GTF2F2: variants seen among roughly 807,000 people sequenced by gnomAD.
GTF2F2 encodes the protein ATP-dependent helicase GTF2F2.
In GTF2F2, 23 loss-of-function variants were observed where a neutral mutation model predicts 42.2. That is an observed-to-expected ratio of 0.55 (90% CI 0.39 to 0.77). The LOEUF (loss-of-function observed/expected upper bound fraction) is 0.77, where lower values mean the gene tolerates loss of function less well. GTF2F2 is among the 30% of genes least tolerant of loss of function. The probability of loss-of-function intolerance (pLI) is 0.00; values close to 1 mark genes in which losing one functional copy is unlikely to be tolerated. For synonymous variants in GTF2F2, 105 were observed against 100.8 expected, an observed-to-expected ratio of 1.04 and a Z score of -0.25; for missense variants, 261 against 287.2, an observed-to-expected ratio of 0.91 and a Z score of 0.66.
At chr13:45,184,386 T>C (rs772398223) in intron 4 of GTF2F2, among the ~76,000 whole-genome samples, 33 of 147,794 alleles carry the variant, frequency 2.2e-4, no homozygotes, top group Admixed American at 5.3e-4. Context: ...TTAACTTTAT[T>C]CCCCCCCGCC....
chr13:45,138,537 T>C (rs7995330), intron 2 of GTF2F2, among the ~76,000 whole-genome samples: 53,017 of 152,116 alleles, frequency 0.35, 12,542 homozygotes, highest in African/African-American at 0.67. Context: ...TCTTTACTGA[T>C]GTGGAGTCAG....
At chr13:45,126,758 A>G (rs771883557) in intron 1 of GTF2F2, among the ~76,000 whole-genome samples, 1 of 152,260 alleles carries the variant, frequency 6.6e-6, no homozygotes, top group African/African-American at 2.4e-5. Flanking sequence ...AATTATTTTC[A>G]GAGAAGGACA....
intron 5 of GTF2F2, among the ~76,000 whole-genome samples, chr13:45,235,378 T>G (rs1285026289): frequency 1.3e-5 from 2 of 152,166 alleles, no homozygotes; most frequent in Non-Finnish European, 2.9e-5. Flanking sequence ...GTTAACGTTT[T>G]CTGACAAGTA....
intron 7 of GTF2F2, among the ~76,000 whole-genome samples, chr13:45,274,141 A>G (rs1031138983): frequency 3.9e-5 from 6 of 151,934 alleles, no homozygotes; most frequent in African/African-American, 1.5e-4. Flanking sequence ...TCTTTTTCAA[A>G]TGTCCCAAGA....
intron 1 of GTF2F2, among the ~76,000 whole-genome samples, chr13:45,135,767 A>G (rs763511885): frequency 2.6e-5 from 4 of 152,148 alleles, no homozygotes; most frequent in Non-Finnish European, 5.9e-5. Flanking sequence ...TGTCACTCCA[A>G]ATTTGTCATG....
chr13:45,120,646 C>T lies in GTF2F2; in HGVS notation c.-10C>T, dbSNP rs371749616. 1.9e-6 allele frequency: 3 copies of T among 1,554,822 alleles called. No homozygotes were observed. The highest frequency in any genetic ancestry group is 2.4e-5 in the East Asian group (1 of 41,584). ...GCTGCATCCCGCACGCCTCCACCGG[C>T]TGCAGACCCATGGCCGAGCGCGGGG... On this transcript the variant is annotated 5_prime_UTR_variant, in exon 1 of 8. Transcript: ENST00000340473.
At chr13:45,176,982 GT>G (rs1871911464) in intron 4 of GTF2F2, among the ~76,000 whole-genome samples, 1 of 151,888 alleles carries the variant, frequency 6.6e-6, no homozygotes, top group African/African-American at 2.4e-5. Flanking sequence ...TAGAGATGGG[GT>G]TTCACCATGT....
chr13:45,208,473 T>G (rs1873508400), intron 5 of GTF2F2, among the ~76,000 whole-genome samples: 1 of 152,244 alleles, frequency 6.6e-6, no homozygotes, highest in South Asian at 2.1e-4. Flanking sequence ...CAGTACTTAC[T>G]GTCTGCCAGG....
intron 1 of GTF2F2, among the ~76,000 whole-genome samples, chr13:45,122,075 A>G (rs1468875275): frequency 6.6e-6 from 1 of 152,218 alleles, no homozygotes; most frequent in African/African-American, 2.4e-5. Flanking sequence ...TGCAAGACTC[A>G]AAATATATAA....
At chr13:45,171,464 T>G (rs1871596593) in intron 4 of GTF2F2, among the ~76,000 whole-genome samples, 1 of 152,192 alleles carries the variant, frequency 6.6e-6, no homozygotes, top group South Asian at 2.1e-4. Flanking sequence ...TGATACCATT[T>G]TGTACCTTTG....
intron 4 of GTF2F2, among the ~76,000 whole-genome samples, chr13:45,165,569 C>T (rs561119758): frequency 2.0e-5 from 3 of 146,486 alleles, no homozygotes; most frequent in Admixed American, 1.4e-4. Flanking sequence ...CTGCCCTCGC[C>T]CCCCCCCGCC....
intron 4 of GTF2F2, 147 bp from the exon 5 acceptor site, chr13:45,207,277 C>A: frequency 1.7e-6 from 1 of 588,300 alleles, no homozygotes; most frequent in Middle Eastern, 4.5e-4. Context: ...TCTGTTCTGA[C>A]CAGTGAGATT....
At chr13:45,171,908 T>C (rs1871620281) in intron 4 of GTF2F2, among the ~76,000 whole-genome samples, 2 of 152,160 alleles carry the variant, frequency 1.3e-5, no homozygotes, top group Non-Finnish European at 1.5e-5. Context: ...CCAGGGCTCA[T>C]TCATGTTGTA....
intron 7 of GTF2F2, among the ~76,000 whole-genome samples, chr13:45,275,157 C>G (rs1366348893): frequency 6.6e-6 from 1 of 152,086 alleles, no homozygotes; most frequent in Non-Finnish European, 1.5e-5. Flanking sequence ...CACCTGGCTT[C>G]TTTAACTTAG....
intron 1 of GTF2F2, chr13:45,124,126 C>A: frequency 1.4e-6 from 1 of 695,446 alleles, no homozygotes; most frequent in Non-Finnish European, 2.6e-6. Flanking sequence ...CAATGCCAGC[C>A]CCAGCATCTA....
At chr13:45,264,821 T>C (rs1374549389) in intron 6 of GTF2F2, among the ~76,000 whole-genome samples, 1 of 152,216 alleles carries the variant, frequency 6.6e-6, no homozygotes, top group Non-Finnish European at 1.5e-5. Flanking sequence ...CTCTGTAAAG[T>C]AGGTTATCTT....
intron 5 of GTF2F2, among the ~76,000 whole-genome samples, chr13:45,222,945 C>T (rs1230384389): frequency 2.0e-5 from 3 of 152,128 alleles, no homozygotes; most frequent in Non-Finnish European, 2.9e-5. Flanking sequence ...TGCTTGAGCC[C>T]AGGAGTTCAA....
At chr13:45,273,665 T>TTTTTTTTTTTTTC (rs1876898447) in intron 7 of GTF2F2, among the ~76,000 whole-genome samples, 1 of 146,258 alleles carries the variant, frequency 6.8e-6, no homozygotes, top group African/African-American at 2.6e-5. Flanking sequence ...ATTTTTTTTT[T>TTTTTTTTTTTTTC]TTTTTTTGAG....
intron 4 of GTF2F2, among the ~76,000 whole-genome samples, chr13:45,198,955 T>C (rs1873039836): frequency 6.6e-6 from 1 of 152,248 alleles, no homozygotes; most frequent in Non-Finnish European, 1.5e-5. Flanking sequence ...TGTAATTCTT[T>C]TTGAGTGTCC....
Sources: allele counts gnomAD v4.1 joint callset (sites outside exome capture counted in the v4.1 genomes callset), GRCh38; gene constraint gnomAD v4.1.1; transcripts MANE v1.5; gene names NCBI Gene and HGNC (gene_info 2026-07-23, HGNC 2026-07-21).